Variants in CPEB4 observed in about 807,000 individuals in gnomAD.
CPEB4 encodes the protein cytoplasmic polyadenylation element binding protein 4.
A neutral mutation model predicts 72.5 loss-of-function variants in CPEB4; 12 were observed. The ratio of observed to expected loss-of-function variants is 0.17; its 90% CI spans 0.11 to 0.27. CPEB4 has a LOEUF of 0.27. Among genes scored for constraint, CPEB4 ranks in the 10% least tolerant of loss-of-function variants. The probability of loss-of-function intolerance (pLI) is 1.00; values close to 1 mark genes in which losing one functional copy is unlikely to be tolerated. For synonymous variants in CPEB4, 302 were observed against 326.3 expected (o/e 0.93, Z 0.80); for missense variants, 614 against 908.5 (o/e 0.68, Z 4.17).
intron 5 of CPEB4, 74 bp downstream of exon 5, chr5:173,945,214 A>G (rs1433637909): frequency 4.1e-5 from 53 of 1,302,776 alleles, no homozygotes; most frequent in Non-Finnish European, 5.5e-5. Flanking sequence ...TAGTGTTACA[A>G]TAACAGTCTT....
intron 8 of CPEB4, among the ~76,000 whole-genome samples, chr5:173,952,446 A>G (rs1339238784): frequency 6.6e-6 from 1 of 152,254 alleles, no homozygotes; most frequent in Admixed American, 6.5e-5. Context: ...TAGTACTTAC[A>G]GAACAAATTA....
At position 173,953,078 on chromosome 5, in the gene CPEB4, C is replaced by T. The variant is rs747111461; in HGVS notation, c.1781-13C>T. On this transcript the variant is annotated splice_polypyrimidine_tract_variant and intron_variant, in intron 8 of 9. Coordinates refer to ENST00000265085, the MANE Select transcript of CPEB4 (RefSeq NM_030627.4). ...CTGATTTTAAATATCCTCCTTGTTC[C>T]TTTCTTAATTAGTGGAGCTTGCGAT... 61 of 1,581,154 alleles carry T rather than the reference C, an allele frequency of 3.9e-5. No homozygotes were observed. Among genetic ancestry groups the T allele is most frequent in the Non-Finnish European group, 4.7e-5 (55 of 1,161,570 alleles).
chr5:173,902,716 A>G (rs1186800533), intron 1 of CPEB4, among the ~76,000 whole-genome samples: 2 of 152,256 alleles, frequency 1.3e-5, no homozygotes, highest in African/African-American at 4.8e-5. Flanking sequence ...GTTTCTAATC[A>G]TGGGGCGTTG....
chr5:173,947,868 A>T (rs1472371674), intron 5 of CPEB4, among the ~76,000 whole-genome samples: 1 of 152,142 alleles, frequency 6.6e-6, no homozygotes, highest in Non-Finnish European at 1.5e-5. Flanking sequence ...AAAATGACTG[A>T]TTCTTGGGCT....
chr5:173,897,711 C>T (rs564784285), intron 1 of CPEB4, among the ~76,000 whole-genome samples: 1 of 152,114 alleles, frequency 6.6e-6, no homozygotes, highest in African/African-American at 2.4e-5. Flanking sequence ...AATGGCATTT[C>T]CAAACTTTTT....
chr5:173,893,014 TGTGTGTGTGTGTGTGTGTGTGTGAGAGA>T (rs1305163658), intron 1 of CPEB4: 3 of 142,856 alleles, frequency 2.1e-5, no homozygotes, highest in African/African-American at 8.2e-5. Flanking sequence ...TGTGTGTGTG[TGTGTGTGTGTGTGTGTGTGTGTGAGAGA>T]GAGAGAGAGA....
intron 2 of CPEB4, among the ~76,000 whole-genome samples, chr5:173,917,241 G>T (rs1219775276): frequency 1.3e-5 from 2 of 152,152 alleles, no homozygotes; most frequent in African/African-American, 4.8e-5. Context: ...TTTAATATTA[G>T]AATGATTTAT....
chr5:173,910,850 T>TACTCACGTAGTA, intron 2 of CPEB4: 1 of 429,778 alleles, frequency 2.3e-6, no homozygotes, highest in South Asian at 4.3e-5. Context: ...TGGGCAATTA[T>TACTCACGTAGTA]CTCAAAGACA....
chr5:173,906,151 G>A (rs931153519), intron 1 of CPEB4, among the ~76,000 whole-genome samples: 1 of 152,192 alleles, frequency 6.6e-6, no homozygotes, highest in South Asian at 2.1e-4. Flanking sequence ...ATTTAAAAAG[G>A]CAAAATTGAA....
intron 1 of CPEB4, among the ~76,000 whole-genome samples, chr5:173,903,318 A>G (rs1000916501): frequency 6.6e-6 from 1 of 152,218 alleles, no homozygotes; most frequent in African/African-American, 2.4e-5. Flanking sequence ...TTCTCTTCAT[A>G]AGGAAATCAT....
chr5:173,933,754 T>C (rs866279349), intron 3 of CPEB4, among the ~76,000 whole-genome samples: 5 of 152,328 alleles, frequency 3.3e-5, no homozygotes, highest in East Asian at 1.9e-4. Flanking sequence ...TACTGTGTCA[T>C]CTTAGGCAAA....
intron 2 of CPEB4, among the ~76,000 whole-genome samples, chr5:173,921,268 C>T (rs559028040): frequency 1.3e-5 from 2 of 152,158 alleles, no homozygotes; most frequent in Admixed American, 1.3e-4. Context: ...AGGAAAGCCT[C>T]TCTGAAATAT....
chr5:173,894,139 A>C (rs1208705151), intron 1 of CPEB4, among the ~76,000 whole-genome samples: 1 of 152,040 alleles, frequency 6.6e-6, no homozygotes. Flanking sequence ...GACTACAGGC[A>C]CATACTACTA....
chr5:173,914,624 T>C (rs940700962), intron 2 of CPEB4, among the ~76,000 whole-genome samples: 1 of 152,028 alleles, frequency 6.6e-6, no homozygotes, highest in Non-Finnish European at 1.5e-5. Context: ...GGCGTGGTAG[T>C]GTGCACCTGT....
intron 3 of CPEB4, among the ~76,000 whole-genome samples, chr5:173,942,327 A>G (rs1227482150): frequency 4.6e-5 from 7 of 152,176 alleles, no homozygotes; most frequent in African/African-American, 1.7e-4. Flanking sequence ...CAGGGAAGAC[A>G]TTTTCTCAAA....
chr5:173,941,855 A>T (rs1757857536), intron 3 of CPEB4, among the ~76,000 whole-genome samples: 1 of 152,228 alleles, frequency 6.6e-6, no homozygotes, highest in Admixed American at 6.5e-5. Context: ...CCTGGGTGAC[A>T]GAGCTAGATT....
At position 173,936,119 on chromosome 5, in the gene CPEB4, A is replaced by G. The variant is rs184726492; in HGVS notation, c.1258+3619A>G. On this transcript the variant is annotated intron_variant, in intron 3 of 9. Coordinates refer to ENST00000265085, the MANE Select transcript of CPEB4 (RefSeq NM_030627.4). ...TTCTTGGATTTTCAATGTATTTTTA[A>G]AACCAAACTATCTAAAGCTACTTTT... Among the ~76,000 whole-genome samples, 222 of 152,334 alleles carry G rather than the reference A, an allele frequency of 1.5e-3. 2 individuals are homozygous for G. The highest frequency in any genetic ancestry group is 5.1e-3 in the African/African-American group (214 of 41,584).
intron 2 of CPEB4, among the ~76,000 whole-genome samples, chr5:173,914,650 A>T (rs1052742220): frequency 6.6e-6 from 1 of 152,058 alleles, no homozygotes; most frequent in Non-Finnish European, 1.5e-5. Flanking sequence ...CAGTTACTCC[A>T]GAGGGTGAGG....
At chr5:173,928,363 G>A (rs191404749) in intron 2 of CPEB4, among the ~76,000 whole-genome samples, 45 of 152,270 alleles carry the variant, frequency 3.0e-4, no homozygotes, top group African/African-American at 4.1e-4. Context: ...CACTCTGGTC[G>A]GGATGTTGAT....
Sources: gnomAD v4.1 joint callset for allele counts (sites outside exome capture counted in the v4.1 genomes callset) on GRCh38, gnomAD v4.1.1 for gene constraint, MANE v1.5 for transcripts, NCBI Gene and HGNC (gene_info 2026-07-23, HGNC 2026-07-21) for gene names.